Variants in TATDN3 observed in about 807,000 individuals in gnomAD.
The protein encoded by TATDN3 is deoxyribonuclease TATDN3.
In TATDN3, 29 loss-of-function variants were observed where a neutral mutation model predicts 40.1. The observed-to-expected ratio is 0.72, with a 90% confidence interval of 0.54 to 0.99. The LOEUF (loss-of-function observed/expected upper bound fraction) is 0.99. Ranked by LOEUF, TATDN3 falls within the 50% of genes least tolerant of loss-of-function variation. The pLI is 0.00. For synonymous variants in TATDN3, 105 were observed against 117.0 expected, an observed-to-expected ratio of 0.90 and a Z score of 0.66; for missense variants, 309 against 321.9, an observed-to-expected ratio of 0.96 and a Z score of 0.31.
Position 212,798,202 on chromosome 1 carries a change from T to C in TATDN3, c.258+1006T>C, listed in dbSNP as rs369184806. On this transcript the variant is annotated intron_variant, in intron 4 of 9. Transcript: ENST00000366974. The stretch of plus-strand genomic sequence containing the variant: ...TTATCCAGGTGTGGTGGCGTGCACC[T>C]GTAGTCCCAGCTACTCGGGAGACTA... Among the ~76,000 whole-genome samples the C allele has an allele frequency of 1.3e-4, 20 of 152,062 alleles. 1 individual carries two copies. In the East Asian group the frequency reaches 2.5e-3, roughly 19 times the overall value.
chr1:212,793,377 T>G, intron 1 of TATDN3, among the ~76,000 whole-genome samples: 1 of 152,114 alleles, frequency 6.6e-6, no homozygotes, highest in East Asian at 1.9e-4. Context: ...CACGCCTGGC[T>G]AATTTTTTGT....
chr1:212,794,923 C>T (rs1341350190), intron 1 of TATDN3, 172 bp from the exon 2 acceptor site: 4 of 654,086 alleles, frequency 6.1e-6, no homozygotes, highest in Non-Finnish European at 1.1e-5. Flanking sequence ...CCAGACTTTA[C>T]TGATAGTAAG....
intron 4 of TATDN3, among the ~76,000 whole-genome samples, chr1:212,798,536 C>CAAAAAAAAAAAAA (rs11296428): frequency 4.4e-5 from 4 of 91,290 alleles, no homozygotes; most frequent in Non-Finnish European, 6.3e-5. Context: ...CTCAAAAACT[C>CAAAAAAAAAAAAA]AAAAAAAAAA....
chr1:212,799,980 C>T (rs1483529210), intron 4 of TATDN3, among the ~76,000 whole-genome samples: 1 of 152,114 alleles, frequency 6.6e-6, no homozygotes, highest in Non-Finnish European at 1.5e-5. Context: ...TAGTTTTCTC[C>T]TGCTGATTAG....
At chr1:212,806,833 T>TACAC (rs1571967380) in intron 7 of TATDN3, among the ~76,000 whole-genome samples, 2 of 52,132 alleles carry the variant, frequency 3.8e-5, no homozygotes, top group East Asian at 5.5e-4. Context: ...TATACATATA[T>TACAC]ATACATATAT....
chr1:212,795,210 C>A, intron 2 of TATDN3, 83 bp downstream of exon 2: 1 of 918,842 alleles, frequency 1.1e-6, no homozygotes, highest in Non-Finnish European at 1.8e-6. Flanking sequence ...TTTAGATATA[C>A]TACCTTGATG....
intron 1 of TATDN3, among the ~76,000 whole-genome samples, chr1:212,794,167 G>C (rs903927811): frequency 1.3e-5 from 2 of 151,986 alleles, no homozygotes; most frequent in African/African-American, 4.8e-5. Context: ...TGTAGTCCCA[G>C]CTACTTGGGA....
intron 4 of TATDN3, among the ~76,000 whole-genome samples, chr1:212,798,294 C>T (rs545059619): frequency 1.3e-5 from 2 of 151,908 alleles, no homozygotes; most frequent in Admixed American, 1.3e-4. Context: ...CCAGTGCACT[C>T]CAGCCTGGGT....
At chr1:212,811,543 C>A (rs1259748330) in intron 8 of TATDN3, among the ~76,000 whole-genome samples, 2 of 151,906 alleles carry the variant, frequency 1.3e-5, no homozygotes, top group African/African-American at 4.8e-5. Context: ...GGATTACAGG[C>A]GCGAGCTACC....
chr1:212,807,240 C>T (rs1057336103), intron 7 of TATDN3, among the ~76,000 whole-genome samples: 8 of 151,406 alleles, frequency 5.3e-5, no homozygotes, highest in South Asian at 2.1e-4. Context: ...CCACTGCGCC[C>T]GGACTATATG....
intron 4 of TATDN3, among the ~76,000 whole-genome samples, chr1:212,801,901 A>G (rs1662199395): frequency 6.6e-6 from 1 of 152,212 alleles, no homozygotes; most frequent in Non-Finnish European, 1.5e-5. Context: ...TCATAGTTGT[A>G]AAATCTACTC....
chr1:212,807,752 G>T lies in TATDN3; in HGVS notation c.504G>T (p.Leu168=), dbSNP rs763469173. The T allele has an allele frequency of 6.2e-7, 1 of 1,612,988 alleles. No individual in the cohort carries two copies. The highest frequency in any genetic ancestry group is 1.3e-5 in the African/African-American group (1 of 74,848). The change falls in exon 8 of 10, where the codon CTG becomes CTT. Residue 168 remains leucine, a synonymous_variant. Transcript: ENST00000366974. ...LLQEQGAEKV[L]LHAFDGRPSV... ...TTTTGAAAGGTGCTGAGAAGGTACT[G>T]CTGCATGCATTTGATGGTCGGCCAT...
intron 7 of TATDN3, among the ~76,000 whole-genome samples, chr1:212,806,368 CTTTTTT>C (rs771628190): frequency 1.7e-4 from 22 of 132,494 alleles, no homozygotes; most frequent in African/African-American, 5.2e-4. Flanking sequence ...TTCTCTCTCT[CTTTTTT>C]TTTTTTTTTT....
Position 212,815,198 on chromosome 1 carries a change from G to T in TATDN3, c.*42G>T. 1 of 1,569,032 alleles carries T rather than the reference G, an allele frequency of 6.4e-7. No homozygotes were observed. The highest frequency in any genetic ancestry group is 8.6e-7 in the Non-Finnish European group (1 of 1,162,364). On this transcript the variant is annotated 3_prime_UTR_variant, in exon 10 of 10. Coordinates refer to ENST00000366974, the MANE Select transcript of TATDN3 (RefSeq NM_001042552.3). ...TACAAAATCGAATCAACTGCAGGGG[G>T]CAGCATTTGAAAAATAGAAATGTTC... is the stretch of plus-strand genomic sequence containing the variant.
intron 7 of TATDN3, among the ~76,000 whole-genome samples, chr1:212,806,032 C>T (rs1206872376): frequency 6.6e-6 from 1 of 152,154 alleles, no homozygotes; most frequent in Non-Finnish European, 1.5e-5. Context: ...GTCATTCATA[C>T]CATTTGAAAA....
At chr1:212,797,256 C>A in intron 4 of TATDN3, 60 bp downstream of exon 4, 2 of 1,216,066 alleles carry the variant, frequency 1.6e-6, no homozygotes, top group Non-Finnish European at 2.4e-6. Context: ...TTATTTGACT[C>A]AGTAATCCTC....
chr1:212,814,667 G>C (rs560234646), intron 9 of TATDN3, among the ~76,000 whole-genome samples: 22 of 152,284 alleles, frequency 1.4e-4, no homozygotes, highest in African/African-American at 5.1e-4. Flanking sequence ...CCAAGCAGCA[G>C]AGCAGTGACC....
intron 1 of TATDN3, among the ~76,000 whole-genome samples, chr1:212,793,255 C>T (rs1441669697): frequency 1.3e-5 from 2 of 152,118 alleles, no homozygotes; most frequent in African/African-American, 4.8e-5. Flanking sequence ...CTGTGTCCCT[C>T]AGGCTGAAAT....
chr1:212,798,947 T>C (rs543100728), intron 4 of TATDN3, among the ~76,000 whole-genome samples: 2 of 152,352 alleles, frequency 1.3e-5, no homozygotes, highest in African/African-American at 4.8e-5. Flanking sequence ...TTGTGAATGC[T>C]GATTGTTAGA....
Sources: gnomAD v4.1 joint callset for allele counts (sites outside exome capture counted in the v4.1 genomes callset) on GRCh38, gnomAD v4.1.1 for gene constraint, MANE v1.5 for transcripts, NCBI Gene and HGNC (gene_info 2026-07-23, HGNC 2026-07-21) for gene names.